The following PPAN variants were observed in gnomAD, a reference collection of about 807,000 sequenced individuals.
PPAN encodes the protein suppressor of SWI4 1 homolog.
PPAN carries 39 observed loss-of-function variants against 48.5 expected under a neutral mutation model. That is an observed-to-expected ratio of 0.80 (90% CI 0.62 to 1.05). The LOEUF is 1.05. Among genes scored for constraint, PPAN ranks in the 50% least tolerant of loss-of-function variants. The probability of loss-of-function intolerance (pLI) is 0.00; values close to 1 mark genes in which losing one functional copy is unlikely to be tolerated. For missense variants in PPAN, 736 were observed against 661.7 expected (o/e 1.11, Z -1.23); for synonymous variants, 315 against 268.6 (o/e 1.17, Z -1.69).
rs770452484 is a variant in PPAN at position 10,108,065 on chromosome 19, C to G, written c.444C>G (p.Pro148=). ...TCCTGGTACTCAACAGCTTTGGCCC[C>G]CATGGTATGCATGTGAAGCTCATGG... ...PPLLVLNSFG[P]HGMHVKLMAT... Residue 148 remains proline, a synonymous_variant, in exon 5 of 12, where the codon CCC becomes CCG. Coordinates refer to ENST00000253107, the MANE Select transcript of PPAN (RefSeq NM_020230.7). 6 of 1,614,096 alleles carry G rather than the reference C, an allele frequency of 3.7e-6. No homozygotes were observed. Among genetic ancestry groups the G allele is most frequent in the Admixed American group, 1.7e-5 (1 of 59,988 alleles).
rs969542063 is a variant in PPAN, at chr19:10,111,482, C to G, written c.*317C>G. ...AGCAGCCATGAGTGGCCCCTCCCCC[C>G]AGTCCCACCAAAGAGCCGTGCAAGC... On this transcript the variant is annotated 3_prime_UTR_variant, in exon 12 of 12. Transcript: ENST00000253107. 1 of 626,050 alleles carries G rather than the reference C, an allele frequency of 1.6e-6. No individual in the cohort carries two copies. The highest frequency in any genetic ancestry group is 2.8e-5 in the Admixed American group (1 of 35,832). The allele number at this position is 626,050 out of a possible 1,614,324, so 38.8% of individuals were successfully genotyped here. A position where few individuals can be genotyped will look rare whatever the true frequency, so the allele number is the denominator to read the frequency against.
rs1281304385 is a variant in PPAN, at chr19:10,111,808, T to C, written c.*643T>C. 8.3e-5 allele frequency: 131 copies of C among 1,575,970 alleles called. No individual in the cohort carries two copies. The highest frequency in any genetic ancestry group is 1.1e-4 in the Non-Finnish European group (126 of 1,148,296). On this transcript the variant is annotated 3_prime_UTR_variant, in exon 12 of 12. Coordinates refer to ENST00000253107, the MANE Select transcript of PPAN (RefSeq NM_020230.7). ...TGTCAGGAGGTGGGGGTAGTGGGTA[T>C]TGGTAAAACACCTAGGTCTGGGGCT... is the stretch of plus-strand genomic sequence containing the variant.
In PPAN at chr19:10,112,002, C is replaced by T. The variant is rs772619879; in HGVS notation, c.*837C>T. 2.1e-4 allele frequency: 91 copies of T among 433,240 alleles called. No individual in the cohort carries two copies. The highest frequency in any genetic ancestry group is 6.7e-4 in the African/African-American group (33 of 49,178). 26.8% of individuals were successfully genotyped at this position (433,240 alleles called of 1,614,324 possible). A position where few individuals can be genotyped will look rare whatever the true frequency, so the allele number is the denominator to read the frequency against. On this transcript the variant is annotated 3_prime_UTR_variant, in exon 12 of 12. Transcript: ENST00000253107. ...GCACATGCCTGTAATCCCAGCTACT[C>T]GGGAGGCTGAGACAAGAGAATCACT...
rs538392868 is a variant in PPAN at position 10,108,217 on chromosome 19, C to G, written c.513+83C>G. The G allele has an allele frequency of 1.3e-4, 204 of 1,512,600 alleles. 1 individual carries two copies. In the South Asian group the frequency reaches 2.6e-3, roughly 19 times the overall value. The allele number at this position is 1,512,600 out of a possible 1,614,324, so 93.7% of individuals were successfully genotyped here. A position where few individuals can be genotyped will look rare whatever the true frequency, so the allele number is the denominator to read the frequency against. On this transcript the variant is annotated intron_variant, in intron 5 of 11. Coordinates refer to ENST00000253107, the MANE Select transcript of PPAN (RefSeq NM_020230.7). ...CAGGCCCTCAGATGGATTGCTCACT[C>G]CTCCCAGCGCTGAGACTGGGAGCTC...
chr19:10,107,477 T>A, intron 2 of PPAN, 28 bp from the exon 3 acceptor site: 1 of 1,609,860 alleles, frequency 6.2e-7, no homozygotes, highest in Non-Finnish European at 8.5e-7. Context: ...TAAGCTATGT[T>A]TTCTTTTTTT....
In PPAN at chr19:10,110,738, GT is replaced by G; in HGVS notation, c.1074del (p.Ser359ValfsTer154). The G allele has an allele frequency of 6.2e-7, 1 of 1,613,936 alleles. No individual in the cohort carries two copies. The highest frequency in any genetic ancestry group is 8.5e-7 in the Non-Finnish European group (1 of 1,179,984). ...LEGMKKARVGGSDEEASGIPS... is the reference protein window; with the variant it reads ...LEGMKKARVGXSDEEASGIPS... ...GGCATGAAGAAGGCACGGGTCGGGG[GT>G]AGTGATGAAGAGGCCTCTGGGATCC... On this transcript the variant is annotated frameshift_variant, in exon 11 of 12. Transcript: ENST00000253107. LOFTEE classifies it high-confidence loss of function. This position sits in a 1 kb window ranked among gnomAD's most constrained non-coding sequence, Gnocchi z 5.9.
Position 10,107,471 on chromosome 19 carries a change from C to T in PPAN, c.190-34C>T, listed in dbSNP as rs368616609. The T allele has an allele frequency of 5.6e-6, 9 of 1,605,912 alleles. No individual in the cohort carries two copies. The African/African-American group carries it at 1.2e-4, about 21-fold the overall frequency. ...TATAGTTGTCACAACAAGGGATAAG[C>T]TATGTTTTCTTTTTTTCTTTTTGTC... On this transcript the variant is annotated intron_variant, in intron 2 of 11. Coordinates refer to ENST00000253107, the MANE Select transcript of PPAN (RefSeq NM_020230.7).
rs372396083 is a variant in PPAN, at chr19:10,110,243, C to A, written c.819C>A (p.Thr273=). The A allele has an allele frequency of 6.2e-7, 1 of 1,611,662 alleles. No homozygotes were observed. Among genetic ancestry groups the A allele is most frequent in the Non-Finnish European group, 8.5e-7 (1 of 1,179,606 alleles). The change falls in exon 8 of 12, where the codon ACC becomes ACA. Residue 273 remains threonine (T), a synonymous_variant. Coordinates refer to ENST00000253107, the MANE Select transcript of PPAN (RefSeq NM_020230.7). This position sits in a 1 kb window ranked among gnomAD's most constrained non-coding sequence, Gnocchi z 5.9. ...MRAQQSAVRL[T]EIGPRMTLQL... ...CCCAGCAGAGTGCAGTGCGGCTCAC[C>A]GAGGTGAGGCCCAGGGCAGGGGGAC...
rs547901777 is a variant in PPAN at position 10,109,549 on chromosome 19, A to T, written c.514-82A>T. 15 of 1,441,702 alleles carry T rather than the reference A, an allele frequency of 1.0e-5. No individual in the cohort carries two copies. The East Asian group carries it at 1.1e-4, about 11-fold the overall frequency. The allele number at this position is 1,441,702 out of a possible 1,614,324, so 89.3% of individuals were successfully genotyped here. On this transcript the variant is annotated intron_variant, in intron 5 of 11. Coordinates refer to ENST00000253107, the MANE Select transcript of PPAN (RefSeq NM_020230.7). ...CTAGCCAGTGCCACAGTCCACGAAC[A>T]GTGTGTGTATCCCCCAAAGCCCCCA...
At chr19:10,106,778 C>G (rs2088844990) in intron 2 of PPAN, 107 bp downstream of exon 2, 1 of 1,424,922 alleles carries the variant, frequency 7.0e-7, no homozygotes, top group Admixed American at 2.6e-5. Context: ...GTCTCCCCAG[C>G]TGGAAAAAAA....
At chr19:10,106,794 TC>T in intron 2 of PPAN, 123 bp downstream of exon 2, 1 of 1,386,970 alleles carries the variant, frequency 7.2e-7, no homozygotes, top group Non-Finnish European at 9.5e-7. Flanking sequence ...AAAAAGACCC[TC>T]ATGGGGAGCA....
chr19:10,108,030 C>T lies in PPAN; in HGVS notation c.409C>T (p.His137Tyr), dbSNP rs1169719175. The T allele has an allele frequency of 6.2e-7, 1 of 1,613,806 alleles. No homozygotes were observed. Among genetic ancestry groups the T allele is most frequent in the Non-Finnish European group, 8.5e-7 (1 of 1,179,822 alleles). Residue 137 changes from histidine to tyrosine, a missense_variant, in exon 5 of 12, where the codon CAC becomes TAC. Transcript: ENST00000253107. ...RHRMHEQQFA[H>Y]PPLLVLNSFG... ...CCGCATGCACGAGCAGCAGTTTGCC[C>T]ACCCACCCCTCCTGGTACTCAACAG...
chr19:10,110,558 G>T lies in PPAN; in HGVS notation c.975G>T (p.Arg325Ser). 2 of 1,603,766 alleles carry T rather than the reference G, an allele frequency of 1.2e-6. No homozygotes were observed. The highest frequency in any genetic ancestry group is 1.1e-5 in the South Asian group (1 of 90,342). Residue 325 changes from arginine (R) to serine (S), a missense_variant, in exon 10 of 12, where the codon AGG becomes AGT. Physicochemically the swap from Arg to Ser is moderately radical, Grantham distance 110 (BLOSUM62 -1). Transcript: ENST00000253107. The surrounding 1 kb of genome is among the most constrained non-coding windows in gnomAD (Gnocchi z 5.9). ...KEKKLRLKAQ[R>S]QAQQAQNVQR... is the part of the protein sequence containing the mutation. ...AGAAGCTGCGGCTGAAGGCGCAGAG[G>T]CAGGCCCAGCAGGCCCAGAATGTGC... is the stretch of plus-strand genomic sequence containing the variant.
At position 10,111,829 on chromosome 19, in the gene PPAN, G is replaced by A. The variant is rs1348717787; in HGVS notation, c.*664G>A. ...GGTATTGGTAAAACACCTAGGTCTGGGGCTGGGCACGGTGGCTCACGCCTG... is the reference window on the plus strand; with the variant it reads ...GGTATTGGTAAAACACCTAGGTCTGAGGCTGGGCACGGTGGCTCACGCCTG... On this transcript the variant is annotated 3_prime_UTR_variant, in exon 12 of 12. Coordinates refer to ENST00000253107, the MANE Select transcript of PPAN (RefSeq NM_020230.7). 1.3e-6 allele frequency: 2 copies of A among 1,499,092 alleles called. No homozygotes were observed. The highest frequency in any genetic ancestry group is 1.8e-6 in the Non-Finnish European group (2 of 1,085,740). The allele number at this position is 1,499,092 out of a possible 1,614,324, so 92.9% of individuals were successfully genotyped here. A position where few individuals can be genotyped will look rare whatever the true frequency, so the allele number is the denominator to read the frequency against.
chr19:10,110,752 G>C lies in PPAN; in HGVS notation c.1087G>C (p.Ala363Pro), dbSNP rs760988394. Residue 363 changes from alanine to proline, a missense_variant, in exon 11 of 12, where the codon GCC (alanine) becomes CCC (proline). Physicochemically the swap from Ala to Pro is conservative, Grantham distance 27 (BLOSUM62 -1). Transcript: ENST00000253107. The surrounding 1 kb of genome is among the most constrained non-coding windows in gnomAD (Gnocchi z 5.9). ...ACGGGTCGGGGGTAGTGATGAAGAG[G>C]CCTCTGGGATCCCTTCAAGGACGGC... ...KARVGGSDEE[A>P]SGIPSRTASL... 3.7e-6 allele frequency: 6 copies of C among 1,613,878 alleles called. No homozygotes were observed. In the Admixed American group the frequency reaches 1.0e-4, roughly 27 times the overall value.
At chr19:10,109,266 CT>C (rs897356796) in intron 5 of PPAN, among the ~76,000 whole-genome samples, 6 of 151,212 alleles carry the variant, frequency 4.0e-5, no homozygotes, top group African/African-American at 1.5e-4. Flanking sequence ...GCCTTCTTTA[CT>C]TTTTTTTTAA....
At chr19:10,109,048 G>A (rs1363930885) in intron 5 of PPAN, among the ~76,000 whole-genome samples, 2 of 148,512 alleles carry the variant, frequency 1.3e-5, no homozygotes, top group East Asian at 2.0e-4. Context: ...TGCAAGCTCC[G>A]CCTCCCAGGT....
chr19:10,109,955 G>A lies in PPAN; in HGVS notation c.633G>A (p.Lys211=). ...CTGTGGGCGCGAGTCGCGGGATGAA[G>A]AAGCTGCTCCAGGAGAAGTTCCCCA... ...VVPVGASRGM[K]KLLQEKFPNM... is the part of the protein sequence containing the mutation. Residue 211 remains lysine, a synonymous_variant, in exon 7 of 12, where the codon AAG becomes AAA. Coordinates refer to ENST00000253107, the MANE Select transcript of PPAN (RefSeq NM_020230.7). 1 of 1,614,122 alleles carries A rather than the reference G, an allele frequency of 6.2e-7. No homozygotes were observed. The highest frequency in any genetic ancestry group is 1.7e-5 in the Admixed American group (1 of 60,026).
chr19:10,109,007 G>A, intron 5 of PPAN, among the ~76,000 whole-genome samples: 1 of 149,880 alleles, frequency 6.7e-6, no homozygotes, highest in Non-Finnish European at 1.5e-5. Flanking sequence ...TGTCTCCCAG[G>A]CTGGAGTGCG....
Sources: gnomAD v4.1 joint callset for allele counts (sites outside exome capture counted in the v4.1 genomes callset) on GRCh38, gnomAD v4.1.1 for gene constraint, Gnocchi (gnomAD v3.1) non-coding constraint, MANE v1.5 for transcripts, NCBI Gene and HGNC (gene_info 2026-07-23, HGNC 2026-07-21) for gene names.